ATP8A2: variants seen among roughly 807,000 people sequenced by gnomAD.
ATP8A2 encodes the protein ATPase phospholipid transporting 8A2.
ATP8A2 carries 100 observed loss-of-function variants against 165.6 expected under a neutral mutation model. The ratio of observed to expected loss-of-function variants is 0.60; its 90% confidence interval spans 0.51 to 0.71. The LOEUF is 0.71. ATP8A2 is among the 30% of genes least tolerant of loss of function. The pLI, the probability that ATP8A2 is intolerant of heterozygous loss-of-function variation, is 0.00. For synonymous variants in ATP8A2, 543 were observed against 548.8 expected (o/e 0.99, Z 0.15); for missense variants, 1,227 against 1,479.5 (o/e 0.83, Z 2.80).
chr13:25,521,861 T>C (rs921342666), intron 2 of ATP8A2, among the ~76,000 whole-genome samples: 7 of 152,228 alleles, frequency 4.6e-5, no homozygotes, highest in Non-Finnish European at 1.0e-4. Context: ...ACCATGCTGA[T>C]TTGGTTACTA....
At chr13:25,548,318 T>C (rs114202209) in intron 10 of ATP8A2, among the ~76,000 whole-genome samples, 5 of 152,156 alleles carry the variant, frequency 3.3e-5, no homozygotes, top group Non-Finnish European at 5.9e-5. Context: ...TAGGCCAAGG[T>C]TGGCTTTCCA....
intron 24 of ATP8A2, among the ~76,000 whole-genome samples, chr13:25,637,486 C>T (rs932383523): frequency 2.0e-5 from 3 of 152,192 alleles, no homozygotes; most frequent in African/African-American, 7.2e-5. Flanking sequence ...CAGAGGGTCC[C>T]ACGCCCACAG....
chr13:25,953,522 T>TA lies in ATP8A2; in HGVS notation c.3184-8029dup, dbSNP rs374397075. The stretch of plus-strand genomic sequence containing the variant: ...GTAGCCCTGGTTACTCCAGCCTTTT[T>TA]AAAAAAAAAAAAAAAAAAAAAAAAG... On this transcript the variant is annotated intron_variant, in intron 33 of 36. Coordinates refer to ENST00000381655, the MANE Select transcript of ATP8A2 (RefSeq NM_016529.6). This position sits in a 1 kb window ranked among gnomAD's most constrained non-coding sequence, Gnocchi z 6.7. Among the ~76,000 whole-genome samples, 1,443 of 94,838 alleles carry TA rather than the reference T, an allele frequency of 0.015. 10 individuals carry two copies. The highest frequency in any genetic ancestry group is 0.025 in the African/African-American group (575 of 23,346). 62.2% of individuals were successfully genotyped at this position (94,838 alleles called of 152,430 possible).
intron 30 of ATP8A2, among the ~76,000 whole-genome samples, chr13:25,856,057 A>G (rs1392961851): frequency 2.0e-5 from 3 of 152,138 alleles, no homozygotes; most frequent in Admixed American, 6.5e-5. Context: ...CAGGTTTCAG[A>G]TACATAATTT....
intron 1 of ATP8A2, among the ~76,000 whole-genome samples, chr13:25,386,768 C>T (rs556275760): frequency 3.9e-5 from 6 of 152,150 alleles, no homozygotes; most frequent in Non-Finnish European, 5.9e-5. Flanking sequence ...GAGGCTGAGG[C>T]GGGCGGATCA....
intron 27 of ATP8A2, among the ~76,000 whole-genome samples, chr13:25,787,476 G>C (rs375624986): frequency 4.8e-4 from 73 of 152,268 alleles, no homozygotes; most frequent in East Asian, 2.9e-3. Context: ...CATTTGGGCC[G>C]TTTCCTAATT....
At chr13:25,837,423 CCACACACA>C (rs72194516) in intron 29 of ATP8A2, 138 bp downstream of exon 29, 36,982 of 309,320 alleles carry the variant, frequency 0.12, 1,118 homozygotes, top group East Asian at 0.21. Flanking sequence ...CACCCCACCA[CCACACACA>C]CACACACACA....
At position 25,953,974 on chromosome 13, in the gene ATP8A2, C is replaced by T. The variant is rs1955451819; in HGVS notation, c.3184-7601C>T. ...GCTGCAGGAGTTTTTTTTTTTCATA[C>T]CCCAGTGGCACCTGGAATGCCAGCA... On this transcript the variant is annotated intron_variant, in intron 33 of 36. Coordinates refer to ENST00000381655, the MANE Select transcript of ATP8A2 (RefSeq NM_016529.6). This position sits in a 1 kb window ranked among gnomAD's most constrained non-coding sequence, Gnocchi z 6.7. Among the ~76,000 whole-genome samples, 1 of 151,832 alleles carries T rather than the reference C, an allele frequency of 6.6e-6. No homozygotes were observed. The highest frequency in any genetic ancestry group is 2.4e-5 in the African/African-American group (1 of 41,330).
chr13:25,428,336 C>A (rs55684666), intron 1 of ATP8A2, among the ~76,000 whole-genome samples: 3,621 of 152,216 alleles, frequency 0.024, 148 homozygotes, highest in African/African-American at 0.082. Flanking sequence ...CCACCATTAC[C>A]ACACCGACCA....
At chr13:25,484,219 ACCT>A (rs2036287373) in intron 2 of ATP8A2, among the ~76,000 whole-genome samples, 1 of 152,134 alleles carries the variant, frequency 6.6e-6, no homozygotes, top group Non-Finnish European at 1.5e-5. Flanking sequence ...ATTCACTGAC[ACCT>A]CCTCCTGCAA....
At chr13:25,834,872 C>A (rs1951565441) in intron 28 of ATP8A2, among the ~76,000 whole-genome samples, 1 of 152,138 alleles carries the variant, frequency 6.6e-6, no homozygotes, top group African/African-American at 2.4e-5. Context: ...TGGTGTGTTG[C>A]ACAAGCTGGT....
At chr13:25,752,791 T>TCCTCTA (rs1246251877) in intron 25 of ATP8A2, among the ~76,000 whole-genome samples, 2 of 152,188 alleles carry the variant, frequency 1.3e-5, no homozygotes, top group Non-Finnish European at 2.9e-5. Flanking sequence ...TCAAAGTGTT[T>TCCTCTA]CCTCTACCTC....
chr13:25,516,493 A>G (rs1266211320), intron 2 of ATP8A2, among the ~76,000 whole-genome samples: 2 of 152,204 alleles, frequency 1.3e-5, no homozygotes, highest in African/African-American at 4.8e-5. Context: ...CAAATGTGGT[A>G]TACTTAAATG....
chr13:25,952,328 C>G (rs1955389633), intron 33 of ATP8A2, among the ~76,000 whole-genome samples: 1 of 151,902 alleles, frequency 6.6e-6, no homozygotes. Context: ...CCTCCTGTGG[C>G]AAATTAGCGT....
chr13:25,560,585 A>G (rs2039112895), intron 15 of ATP8A2, among the ~76,000 whole-genome samples: 1 of 150,380 alleles, frequency 6.6e-6, no homozygotes, highest in African/African-American at 2.5e-5. Flanking sequence ...CTGTAATCTC[A>G]GCTACTCGGG....
rs367702842 is a variant in ATP8A2, at chr13:25,866,200, A to G, written c.3183+3792A>G. The stretch of plus-strand genomic sequence containing the variant: ...TGCCATCTTACTTGACCTCTGTTCA[A>G]AAGTCCGGAGACCTGGCTCTGTTCA... On this transcript the variant is annotated intron_variant, in intron 33 of 36. Transcript: ENST00000381655. 2.6e-5 allele frequency among the ~76,000 whole-genome samples: 4 copies of G among 152,198 alleles called. No homozygotes were observed. In the East Asian group the frequency reaches 5.8e-4, roughly 22 times the overall value.
At chr13:25,711,247 A>G (rs1283117414) in intron 25 of ATP8A2, among the ~76,000 whole-genome samples, 1 of 152,120 alleles carries the variant, frequency 6.6e-6, no homozygotes, top group Non-Finnish European at 1.5e-5. Flanking sequence ...TCAAGACACC[A>G]GCCCTCCTCG....
chr13:25,643,923 ATTTC>A (rs1466560012), intron 24 of ATP8A2, among the ~76,000 whole-genome samples: 1 of 150,252 alleles, frequency 6.7e-6, no homozygotes, highest in Non-Finnish European at 1.5e-5. Flanking sequence ...ATCTTTTTCC[ATTTC>A]TTTCTTTAAC....
At chr13:25,992,718 A>C (rs1282530299) in intron 35 of ATP8A2, among the ~76,000 whole-genome samples, 1 of 151,408 alleles carries the variant, frequency 6.6e-6, no homozygotes, top group Non-Finnish European at 1.5e-5. Flanking sequence ...TTTAAGTTTT[A>C]GGGTACATGT....
Sources: allele counts gnomAD v4.1 joint callset (sites outside exome capture counted in the v4.1 genomes callset), GRCh38; gene constraint gnomAD v4.1.1; non-coding constraint Gnocchi (gnomAD v3.1); transcripts MANE v1.5; gene names NCBI Gene and HGNC (gene_info 2026-07-23, HGNC 2026-07-21).